CNTNAP3B: variants seen among roughly 807,000 people sequenced by gnomAD.
CNTNAP3B encodes contactin-associated protein-like 3B.
CNTNAP3B carries 25 observed loss-of-function variants against 108.9 expected under a neutral mutation model. The ratio of observed to expected loss-of-function variants is 0.23; its 90% confidence interval spans 0.17 to 0.32. The LOEUF (loss-of-function observed/expected upper bound fraction) is 0.32. CNTNAP3B is among the 10% of genes least tolerant of loss of function. The pLI is 1.00. For missense variants in CNTNAP3B, 252 were observed against 1,210.4 expected, an observed-to-expected ratio of 0.21 and a Z score of 11.75; for synonymous variants, 103 against 473.4, an observed-to-expected ratio of 0.22 and a Z score of 10.16.
intron 13 of CNTNAP3B, among the ~76,000 whole-genome samples, chr9:41,939,652 A>G (rs974099112): frequency 2.8e-4 from 43 of 152,404 alleles, no homozygotes; most frequent in African/African-American, 1.0e-3. Flanking sequence ...CCACTTTAAA[A>G]GTTACCGACT....
intron 3 of CNTNAP3B, among the ~76,000 whole-genome samples, chr9:42,029,800 A>T (rs1826479269): frequency 1.1e-5 from 1 of 95,182 alleles, no homozygotes; most frequent in Non-Finnish European, 2.0e-5. Context: ...AAGTGCTGGG[A>T]TTACAGGTGT....
rs1213150654 is a variant in CNTNAP3B, at chr9:42,080,456, C to T, written c.197-3394G>A. ...GCTGTGCACACAATTTAATTAAACGCTGAGTGGAAATGGTGGGAAACACAG... is the reference window on the plus strand; with the variant it reads ...GCTGTGCACACAATTTAATTAAACGTTGAGTGGAAATGGTGGGAAACACAG... On this transcript the variant is annotated intron_variant, in intron 2 of 23. Transcript: ENST00000377561. 1.4e-5 allele frequency among the ~76,000 whole-genome samples: 2 copies of T among 138,820 alleles called. 1 individual carries two copies. The highest frequency in any genetic ancestry group is 1.4e-4 in the Admixed American group (2 of 13,946). The allele number at this position is 138,820 out of a possible 152,430, so 91.1% of individuals were successfully genotyped here.
chr9:41,945,681 G>A (rs1253791791), intron 13 of CNTNAP3B, among the ~76,000 whole-genome samples: 2 of 152,304 alleles, frequency 1.3e-5, no homozygotes, highest in South Asian at 2.1e-4. Flanking sequence ...TGAGTTAATG[G>A]GTGCAGCACA....
intron 9 of CNTNAP3B, among the ~76,000 whole-genome samples, chr9:41,979,132 C>T (rs2118299459): frequency 7.5e-6 from 1 of 132,592 alleles, no homozygotes; most frequent in African/African-American, 3.1e-5. Context: ...CATGTTGTCC[C>T]AGCGTCTTCC....
At chr9:41,939,947 C>A (rs1490042504) in intron 13 of CNTNAP3B, among the ~76,000 whole-genome samples, 3 of 151,932 alleles carry the variant, frequency 2.0e-5, no homozygotes, top group Non-Finnish European at 2.9e-5. Flanking sequence ...AGCTTAGGAC[C>A]CCAGGACTGG....
At position 42,035,219 on chromosome 9, in the gene CNTNAP3B, GC is replaced by G. The variant is rs1247010551; in HGVS notation, c.391-21695del. Among the ~76,000 whole-genome samples the G allele has an allele frequency of 5.2e-5, 7 of 134,224 alleles. 1 individual carries two copies. Among genetic ancestry groups the G allele is most frequent in the Non-Finnish European group, 1.1e-4 (7 of 62,828 alleles). The allele number at this position is 134,224 out of a possible 152,430, so 88.1% of individuals were successfully genotyped here. Reference sequence around the variant, plus strand: ...ACCTCTTTACCCAAGGCTCCTCCGGGCTAGCTCCTCCCACCACAGTAATCCC... The same window carrying G: ...ACCTCTTTACCCAAGGCTCCTCCGGGTAGCTCCTCCCACCACAGTAATCCC... On this transcript the variant is annotated intron_variant, in intron 3 of 23. Coordinates refer to ENST00000377561, the MANE Select transcript of CNTNAP3B (RefSeq NM_001201380.3).
intron 2 of CNTNAP3B, among the ~76,000 whole-genome samples, chr9:42,082,996 A>C (rs1220556334): frequency 7.2e-6 from 1 of 139,612 alleles, no homozygotes; most frequent in Non-Finnish European, 1.5e-5. Flanking sequence ...AAACACATGG[A>C]AAAATATATA....
Position 42,062,732 on chromosome 9 carries a change from T to C in CNTNAP3B, c.390+14137A>G, listed in dbSNP as rs183492214. On this transcript the variant is annotated intron_variant, in intron 3 of 23. Coordinates refer to ENST00000377561, the MANE Select transcript of CNTNAP3B (RefSeq NM_001201380.3). Reference sequence around the variant, plus strand: ...TTTGTTTTCCTTTGTTCCTTCCTTCTCTTTCCATCTTCCTTTGTGATTAGG... The same window carrying C: ...TTTGTTTTCCTTTGTTCCTTCCTTCCCTTTCCATCTTCCTTTGTGATTAGG... Among the ~76,000 whole-genome samples the C allele has an allele frequency of 8.3e-3, 812 of 97,508 alleles. 259 individuals carry two copies. The highest frequency in any genetic ancestry group is 0.03 in the African/African-American group (785 of 26,040). The allele number at this position is 97,508 out of a possible 152,430, so 64.0% of individuals were successfully genotyped here.
chr9:42,030,778 G>T (rs1416401835), intron 3 of CNTNAP3B, among the ~76,000 whole-genome samples: 3 of 118,510 alleles, frequency 2.5e-5, no homozygotes, highest in Non-Finnish European at 5.1e-5. Flanking sequence ...GAGAGAGAGA[G>T]AGAGAGATGT....
Position 42,115,144 on chromosome 9 carries a change from C to T in CNTNAP3B, c.86-10405G>A, listed in dbSNP as rs1485409828. ...AGTTAAAGCCCAGAACACATTAAGA[C>T]TTTCAAACATTGCTAAATGCAATCA... On this transcript the variant is annotated intron_variant, in intron 1 of 23. Coordinates refer to ENST00000377561, the MANE Select transcript of CNTNAP3B (RefSeq NM_001201380.3). 2.2e-5 allele frequency among the ~76,000 whole-genome samples: 3 copies of T among 138,380 alleles called. 1 individual carries two copies. The highest frequency in any genetic ancestry group is 8.6e-5 in the African/African-American group (3 of 34,846). 90.8% of individuals were successfully genotyped at this position (138,380 alleles called of 152,430 possible).
chr9:42,066,636 C>T (rs1386877752), intron 3 of CNTNAP3B, among the ~76,000 whole-genome samples: 1 of 130,988 alleles, frequency 7.6e-6, no homozygotes, highest in Non-Finnish European at 1.6e-5. Flanking sequence ...AGCATGTTGG[C>T]CAGGCTGGTC....
chr9:42,066,788 GC>G (rs1416179264), intron 3 of CNTNAP3B, among the ~76,000 whole-genome samples: 2 of 137,512 alleles, frequency 1.5e-5, no homozygotes, highest in Non-Finnish European at 3.1e-5. Context: ...TATTTTTTAT[GC>G]CTCTTGTTTA....
Position 42,093,133 on chromosome 9 carries a change from C to G in CNTNAP3B, c.196+11496G>C, listed in dbSNP as rs544052546. Among the ~76,000 whole-genome samples, 10 of 96,758 alleles carry G rather than the reference C, an allele frequency of 1.0e-4. 2 individuals carry two copies. The South Asian group carries it at 3.2e-3, about 31-fold the overall frequency. The allele number at this position is 96,758 out of a possible 152,430, so 63.5% of individuals were successfully genotyped here. On this transcript the variant is annotated intron_variant, in intron 2 of 23. Coordinates refer to ENST00000377561, the MANE Select transcript of CNTNAP3B (RefSeq NM_001201380.3). ...AGGCCAAGGTGGCCGAGGCGGATCA[C>G]GAGGTCAGGAGTTGAGCCTGGCCAA... is the stretch of plus-strand genomic sequence containing the variant.
chr9:41,973,877 G>A (rs1274316913), intron 9 of CNTNAP3B, among the ~76,000 whole-genome samples: 7 of 132,472 alleles, frequency 5.3e-5, no homozygotes, highest in Admixed American at 7.6e-5. Context: ...ACAGAGTCTC[G>A]CTCTGTTGCC....
chr9:41,924,365 T>A (rs1421119986), intron 15 of CNTNAP3B, among the ~76,000 whole-genome samples: 1 of 152,300 alleles, frequency 6.6e-6, no homozygotes. Flanking sequence ...AGCAACACAG[T>A]AGGGACAGGG....
chr9:42,112,437 T>A (rs141313434), intron 1 of CNTNAP3B, among the ~76,000 whole-genome samples: 1 of 138,766 alleles, frequency 7.2e-6, no homozygotes, highest in Admixed American at 7.2e-5. Flanking sequence ...ACCTCACTCC[T>A]GAGAAAGGAG....
intron 18 of CNTNAP3B, among the ~76,000 whole-genome samples, chr9:41,915,816 T>C (rs1368296118): frequency 1.3e-5 from 2 of 151,034 alleles, no homozygotes; most frequent in African/African-American, 4.9e-5. Flanking sequence ...GAACCACTCC[T>C]GAAATCCTGG....
intron 1 of CNTNAP3B, among the ~76,000 whole-genome samples, chr9:42,125,473 C>T (rs1033941857): frequency 1.4e-5 from 2 of 141,468 alleles, no homozygotes; most frequent in African/African-American, 2.8e-5. Flanking sequence ...AACTGAATGA[C>T]CTTGGACTGA....
intron 15 of CNTNAP3B, among the ~76,000 whole-genome samples, chr9:41,926,448 T>C (rs1185249962): frequency 2.6e-5 from 4 of 152,420 alleles, no homozygotes; most frequent in Non-Finnish European, 4.4e-5. Flanking sequence ...TTTTCTTTCT[T>C]TCTTCATTAA....
Sources: allele counts gnomAD v4.1 joint callset (sites outside exome capture counted in the v4.1 genomes callset), GRCh38; gene constraint gnomAD v4.1.1; transcripts MANE v1.5; gene names NCBI Gene and HGNC (gene_info 2026-07-23, HGNC 2026-07-21).